Variants in PTPRN2 observed in about 807,000 individuals in gnomAD.
PTPRN2 encodes the protein protein tyrosine phosphatase receptor type N2, also known as receptor-type tyrosine-protein phosphatase N2.
PTPRN2 carries 74 observed loss-of-function variants against 118.8 expected under a neutral mutation model. The ratio of observed to expected loss-of-function variants is 0.62; its 90% CI spans 0.52 to 0.76. The LOEUF is 0.76. Among genes scored for constraint, PTPRN2 ranks in the 30% least tolerant of loss-of-function variants. The pLI is 0.00. For synonymous variants in PTPRN2, 641 were observed against 608.0 expected, an observed-to-expected ratio of 1.05 and a Z score of -0.80; for missense variants, 1,481 against 1,394.4, an observed-to-expected ratio of 1.06 and a Z score of -0.99.
intron 12 of PTPRN2, among the ~76,000 whole-genome samples, chr7:157,809,132 A>G (rs1193903225): frequency 6.6e-6 from 1 of 152,284 alleles, no homozygotes; most frequent in Non-Finnish European, 1.5e-5. Context: ...ACTGTTGCTT[A>G]GGATAAGTAA....
At chr7:158,098,993 TCCCC>T (rs1348889495) in intron 10 of PTPRN2, among the ~76,000 whole-genome samples, 960 of 30,682 alleles carry the variant, frequency 0.031, 30 homozygotes, top group African/African-American at 0.079. Flanking sequence ...CCCGGCTGCC[TCCCC>T]TTCCTCCCCC....
intron 11 of PTPRN2, chr7:158,027,461 C>T (rs1324602707): frequency 1.3e-5 from 2 of 152,306 alleles, no homozygotes; most frequent in East Asian, 3.9e-4. Context: ...TGAGAGTGCT[C>T]ATTCTTGGCC....
At chr7:158,227,672 G>A (rs1189419756) in intron 3 of PTPRN2, among the ~76,000 whole-genome samples, 1 of 152,246 alleles carries the variant, frequency 6.6e-6, no homozygotes, top group African/African-American at 2.4e-5. Flanking sequence ...GAAGATGAAT[G>A]TGCAGCTTGC....
intron 12 of PTPRN2, among the ~76,000 whole-genome samples, chr7:157,730,480 G>A (rs527895883): frequency 7.9e-5 from 12 of 152,342 alleles, no homozygotes; most frequent in South Asian, 2.1e-4. Flanking sequence ...ACGCCTGGCC[G>A]AGGTGGTGCC....
intron 11 of PTPRN2, among the ~76,000 whole-genome samples, chr7:158,070,478 G>A (rs1412708481): frequency 2.8e-5 from 4 of 141,722 alleles, no homozygotes; most frequent in Admixed American, 6.9e-5. Flanking sequence ...GGTGGTGGAG[G>A]TGCTCCTGGT....
At chr7:158,540,812 G>A (rs1033489964) in intron 1 of PTPRN2, among the ~76,000 whole-genome samples, 3 of 152,214 alleles carry the variant, frequency 2.0e-5, no homozygotes, top group Non-Finnish European at 2.9e-5. Flanking sequence ...GGCCTCCATC[G>A]ACCTGTGGGG....
chr7:158,473,766 T>C (rs897323068), intron 2 of PTPRN2, among the ~76,000 whole-genome samples: 9 of 150,686 alleles, frequency 6.0e-5, no homozygotes, highest in Admixed American at 1.3e-4. Flanking sequence ...CCATGATAGA[T>C]TGGGGGGAAA....
At chr7:157,860,193 AG>A (rs1449625784) in intron 12 of PTPRN2, among the ~76,000 whole-genome samples, 1 of 152,220 alleles carries the variant, frequency 6.6e-6, no homozygotes, top group Non-Finnish European at 1.5e-5. Context: ...CTGAGGCCCC[AG>A]CCTGTGGTGG....
intron 2 of PTPRN2, among the ~76,000 whole-genome samples, chr7:158,424,074 C>G (rs1003346743): frequency 1.3e-5 from 2 of 152,178 alleles, no homozygotes; most frequent in Non-Finnish European, 2.9e-5. Context: ...ATTCCGGAAC[C>G]TGCTGGACCA....
At chr7:157,949,239 G>A (rs1169810777) in intron 11 of PTPRN2, among the ~76,000 whole-genome samples, 1 of 152,170 alleles carries the variant, frequency 6.6e-6, no homozygotes, top group Non-Finnish European at 1.5e-5. Flanking sequence ...ATGCATTTTG[G>A]GATGGTGAAA....
intron 12 of PTPRN2, among the ~76,000 whole-genome samples, chr7:157,796,338 C>A (rs193295699): frequency 6.6e-6 from 1 of 152,180 alleles, no homozygotes; most frequent in African/African-American, 2.4e-5. Flanking sequence ...CACATTTTAC[C>A]GGGATGGTGA....
intron 11 of PTPRN2, among the ~76,000 whole-genome samples, chr7:158,058,218 A>T (rs1461396734): frequency 7.0e-6 from 1 of 142,202 alleles, no homozygotes; most frequent in African/African-American, 2.7e-5. Flanking sequence ...CCACGGTGAG[A>T]CATCACTGCA....
intron 12 of PTPRN2, among the ~76,000 whole-genome samples, chr7:157,743,644 T>G (rs1800760286): frequency 6.7e-6 from 1 of 149,906 alleles, no homozygotes; most frequent in Non-Finnish European, 1.5e-5. Context: ...TATCTCCGGG[T>G]TGGCTGAGTT....
At chr7:158,327,569 T>G (rs1416317406) in intron 2 of PTPRN2, among the ~76,000 whole-genome samples, 8 of 152,200 alleles carry the variant, frequency 5.3e-5, no homozygotes, top group Non-Finnish European at 1.0e-4. Context: ...TGCTCACACA[T>G]GTACATGTTC....
rs145379819 is a variant in PTPRN2 at position 157,780,835 on chromosome 7, G to A, written c.1789-97898C>T. 1.6e-3 allele frequency among the ~76,000 whole-genome samples: 239 copies of A among 152,142 alleles called. 1 individual carries two copies. The highest frequency in any genetic ancestry group is 5.5e-3 in the African/African-American group (227 of 41,500). On this transcript the variant is annotated intron_variant, in intron 12 of 22. Coordinates refer to ENST00000389418, the MANE Select transcript of PTPRN2 (RefSeq NM_002847.5). The surrounding 1 kb of genome is among the most constrained non-coding windows in gnomAD (Gnocchi z 4.5). ...CCTCATCCGTGATGAGCTGCCCCGCGGGTCCCCACAGATCAATCAGGACAG... is the reference window on the plus strand; with the variant it reads ...CCTCATCCGTGATGAGCTGCCCCGCAGGTCCCCACAGATCAATCAGGACAG...
Position 157,925,376 on chromosome 7 carries a change from C to T in PTPRN2, c.1724-26639G>A, listed in dbSNP as rs530818963. ...AGGATGCAGGCACCTGCATTTAGCA[C>T]GTTGCTTTAGTAGGTTAAATCCCCT... On this transcript the variant is annotated intron_variant, in intron 11 of 22. Coordinates refer to ENST00000389418, the MANE Select transcript of PTPRN2 (RefSeq NM_002847.5). 1.3e-3 allele frequency among the ~76,000 whole-genome samples: 202 copies of T among 151,328 alleles called. 5 individuals are homozygous for T. Among genetic ancestry groups the T allele is most frequent in the African/African-American group, 4.7e-3 (191 of 40,608 alleles).
Position 157,929,689 on chromosome 7 carries a change from C to T in PTPRN2, c.1724-30952G>A, listed in dbSNP as rs1799246172. Among the ~76,000 whole-genome samples the T allele has an allele frequency of 8.3e-6, 1 of 121,080 alleles. No homozygotes were observed. The highest frequency in any genetic ancestry group is 2.4e-4 in the South Asian group (1 of 4,212). 79.4% of individuals were successfully genotyped at this position (121,080 alleles called of 152,430 possible). A position where few individuals can be genotyped will look rare whatever the true frequency, so the allele number is the denominator to read the frequency against. ...AGCCTCCTCTGTCTCTACTGTAAGA[C>T]TTCCCTGTCCCTCGGGTGGGGGCGG... On this transcript the variant is annotated intron_variant, in intron 11 of 22. Transcript: ENST00000389418. This position sits in a 1 kb window ranked among gnomAD's most constrained non-coding sequence, Gnocchi z 4.4.
Position 158,344,780 on chromosome 7 carries a change from C to T in PTPRN2, c.164-27848G>A, listed in dbSNP as rs137885995. ...AGGAACAGACCCCAGCACCTTTCAT[C>T]GGTGGGTTTAGGAGAGGGGCCCAGG... On this transcript the variant is annotated intron_variant, in intron 2 of 22. Coordinates refer to ENST00000389418, the MANE Select transcript of PTPRN2 (RefSeq NM_002847.5). Among the ~76,000 whole-genome samples the T allele has an allele frequency of 6.0e-3, 906 of 152,248 alleles. 9 individuals are homozygous for T. The highest frequency in any genetic ancestry group is 0.021 in the African/African-American group (867 of 41,538).
chr7:158,337,383 TA>T (rs1805840400), intron 2 of PTPRN2, among the ~76,000 whole-genome samples: 1 of 104,760 alleles, frequency 9.5e-6, no homozygotes, highest in Non-Finnish European at 2.2e-5. Context: ...ACTCTCACCA[TA>T]AGAGGTAACA....
Sources: gnomAD v4.1 joint callset for allele counts (sites outside exome capture counted in the v4.1 genomes callset) on GRCh38, gnomAD v4.1.1 for gene constraint, Gnocchi (gnomAD v3.1) non-coding constraint, MANE v1.5 for transcripts, NCBI Gene and HGNC (gene_info 2026-07-23, HGNC 2026-07-21) for gene names.